SERINC5: variants seen among roughly 807,000 people sequenced by gnomAD.
SERINC5 encodes serine incorporator 5.
SERINC5 carries 41 observed loss-of-function variants against 63.1 expected under a neutral mutation model. The observed-to-expected ratio is 0.65, with a 90% CI of 0.51 to 0.84. SERINC5 has a LOEUF of 0.84. SERINC5 is among the 40% of genes least tolerant of loss of function. The probability of loss-of-function intolerance (pLI) is 0.00; values close to 1 mark genes in which losing one functional copy is unlikely to be tolerated. For synonymous variants in SERINC5, 222 were observed against 215.2 expected, an observed-to-expected ratio of 1.03 and a Z score of -0.28; for missense variants, 523 against 573.0, an observed-to-expected ratio of 0.91 and a Z score of 0.89.
chr5:80,175,081 C>T (rs757967878), intron 4 of SERINC5, 34 bp from the exon 5 acceptor site: 14 of 1,445,154 alleles, frequency 9.7e-6, no homozygotes, highest in East Asian at 2.5e-5. Flanking sequence ...AATGAGGCAA[C>T]CTTTCGTTGT....
At chr5:80,238,117 A>AAG (rs1313510007) in intron 1 of SERINC5, among the ~76,000 whole-genome samples, 10 of 151,112 alleles carry the variant, frequency 6.6e-5, no homozygotes, top group Non-Finnish European at 1.3e-4. Flanking sequence ...AAAAAAAAAA[A>AAG]AAAAAGAAAA....
chr5:80,198,634 G>C, intron 2 of SERINC5: 1 of 985,406 alleles, frequency 1.0e-6, no homozygotes. Flanking sequence ...CAAAGAGGGG[G>C]TAAGGACTCC....
chr5:80,146,200 T>G lies in SERINC5; in HGVS notation c.1128A>C (p.Pro376=). 6.2e-7 allele frequency: 1 copy of G among 1,614,004 alleles called. No homozygotes were observed. Among genetic ancestry groups the G allele is most frequent in the African/African-American group, 1.3e-5 (1 of 75,050 alleles). Residue 376 remains proline, a synonymous_variant, in exon 11 of 12, where the codon CCA becomes CCC. Coordinates refer to ENST00000507668, the MANE Select transcript of SERINC5 (RefSeq NM_001174072.3). ...TEEQQPGKEG[P]RVIYDEKKGT... ...CTTTCTTCTCGTCATAAATGACCCGTGGTCCCTCCTTCCCCGGCTGCTGCT... is the reference window on the plus strand; with the variant it reads ...CTTTCTTCTCGTCATAAATGACCCGGGGTCCCTCCTTCCCCGGCTGCTGCT...
chr5:80,122,565 G>GA (rs1744591160), intron 11 of SERINC5, among the ~76,000 whole-genome samples: 1 of 152,116 alleles, frequency 6.6e-6, no homozygotes, highest in Non-Finnish European at 1.5e-5. Context: ...ACCTCCCTGA[G>GA]AAACACAAAT....
intron 1 of SERINC5, among the ~76,000 whole-genome samples, chr5:80,208,911 T>C (rs1029610789): frequency 6.6e-6 from 1 of 152,214 alleles, no homozygotes; most frequent in Non-Finnish European, 1.5e-5. Context: ...AAAATTCATA[T>C]GTTGAAGTAC....
At chr5:80,152,023 A>T (rs1389875632) in intron 8 of SERINC5, among the ~76,000 whole-genome samples, 1 of 152,234 alleles carries the variant, frequency 6.6e-6, no homozygotes, top group Non-Finnish European at 1.5e-5. Flanking sequence ...CTGAGATCCA[A>T]GTTCACTGTT....
At chr5:80,222,561 A>AGTGTGT (rs752186814) in intron 1 of SERINC5, among the ~76,000 whole-genome samples, 301 of 146,292 alleles carry the variant, frequency 2.1e-3, no homozygotes, top group African/African-American at 4.6e-3. Context: ...TGAGTGTGTG[A>AGTGTGT]GTGTGTGAGT....
At position 80,147,248 on chromosome 5, in the gene SERINC5, C is replaced by T; in HGVS notation, c.1090G>A (p.Glu364Lys). Residue 364 changes from glutamate (E) to lysine (K), a missense_variant, in exon 10 of 12, where the codon GAG becomes AAG. Physicochemically the swap from Glu to Lys is moderately conservative, Grantham distance 56. Coordinates refer to ENST00000507668, the MANE Select transcript of SERINC5 (RefSeq NM_001174072.3). The part of the protein sequence containing the change: ...RCCFCFSPGG[E>K]DTEEQQPGKE... ...AGAATAAAAGCGCTCTGCTTACCCT[C>T]TCCACCAGGACTGAAGCAAAAACAA... 1 of 1,602,464 alleles carries T rather than the reference C, an allele frequency of 6.2e-7. No individual in the cohort carries two copies. Among genetic ancestry groups the T allele is most frequent in the Non-Finnish European group, 8.5e-7 (1 of 1,174,992 alleles).
intron 7 of SERINC5, among the ~76,000 whole-genome samples, chr5:80,162,562 TG>T (rs895399726): frequency 1.3e-5 from 2 of 152,124 alleles, no homozygotes; most frequent in Non-Finnish European, 2.9e-5. Flanking sequence ...TTTGTAGAGA[TG>T]GGATTTCCCT....
chr5:80,135,480 C>T (rs969881173), downstream of SERINC5, among the ~76,000 whole-genome samples: 4 of 152,132 alleles, frequency 2.6e-5, no homozygotes, highest in African/African-American at 9.7e-5. Context: ...AAGTTATCTG[C>T]CTCCCACATT....
chr5:80,167,895 G>A (rs1347316641), intron 6 of SERINC5, among the ~76,000 whole-genome samples: 1 of 152,092 alleles, frequency 6.6e-6, no homozygotes, highest in Non-Finnish European at 1.5e-5. Flanking sequence ...GGTCAAATTT[G>A]TTTCCAAAAT....
chr5:80,122,212 T>TATATATATAA (rs777568982), intron 11 of SERINC5, among the ~76,000 whole-genome samples: 31 of 142,588 alleles, frequency 2.2e-4, no homozygotes, highest in Admixed American at 6.2e-4. Flanking sequence ...TATATATATA[T>TATATATATAA]AATATGAGTT....
chr5:80,254,103 T>C (rs907255428), intron 1 of SERINC5, among the ~76,000 whole-genome samples: 2 of 152,222 alleles, frequency 1.3e-5, no homozygotes, highest in East Asian at 1.9e-4. Flanking sequence ...TTTGTGTTTT[T>C]AGTAGAGATG....
At position 80,197,308 on chromosome 5, in the gene SERINC5, TGAGAGAGAGAGAGAGAGAGAGAGAGA is replaced by T. The variant is rs34195156; in HGVS notation, c.195+5552_195+5577del. 1.3e-3 allele frequency among the ~76,000 whole-genome samples: 175 copies of T among 137,090 alleles called. 1 individual carries two copies. Among genetic ancestry groups the T allele is most frequent in the African/African-American group, 4.4e-3 (161 of 36,662 alleles). The allele number at this position is 137,090 out of a possible 152,430, so 89.9% of individuals were successfully genotyped here. A position where few individuals can be genotyped will look rare whatever the true frequency, so the allele number is the denominator to read the frequency against. ...GAGAGACAGAGCAAGACTCCATCTG[TGAGAGAGAGAGAGAGAGAGAGAGAGA>T]GAGAGAGAGAGAGAGAGAGAGAGAG... On this transcript the variant is annotated intron_variant, in intron 2 of 11. Coordinates refer to ENST00000507668, the MANE Select transcript of SERINC5 (RefSeq NM_001174072.3).
At chr5:80,146,428 G>C (rs1554059907) in intron 10 of SERINC5, among the ~76,000 whole-genome samples, 194 bp from the exon 11 acceptor site, 6 of 152,136 alleles carry the variant, frequency 3.9e-5, no homozygotes, top group Non-Finnish European at 8.8e-5. Flanking sequence ...GTAACAGGAA[G>C]AGTTACCTAA....
Position 80,205,230 on chromosome 5 carries a change from G to T in SERINC5, c.28-2177C>A, listed in dbSNP as rs182488173. Among the ~76,000 whole-genome samples, 5 of 152,324 alleles carry T rather than the reference G, an allele frequency of 3.3e-5. No homozygotes were observed. In the East Asian group the frequency reaches 9.6e-4, roughly 29 times the overall value. The stretch of plus-strand genomic sequence containing the variant: ...ACTGTAAAAACAGCGACTCACTCAG[G>T]TCCTCCTTTCCATTGCACAGAGCTT... On this transcript the variant is annotated intron_variant, in intron 1 of 11. Transcript: ENST00000507668.
At chr5:80,158,648 A>G in intron 8 of SERINC5, 188 bp downstream of exon 8, 1 of 557,776 alleles carries the variant, frequency 1.8e-6, no homozygotes, top group South Asian at 2.7e-5. Context: ...TGCTTTATTT[A>G]CCCCAAATAA....
Position 80,222,869 on chromosome 5 carries a change from G to A in SERINC5, c.28-19816C>T, listed in dbSNP as rs138295207. On this transcript the variant is annotated intron_variant, in intron 1 of 11. Transcript: ENST00000507668. ...GATTACAGGTGTGGGCCACCATACC[G>A]GCCAGTTTTTTAGACAGTCTCACTC... Among the ~76,000 whole-genome samples, 28 of 151,716 alleles carry A rather than the reference G, an allele frequency of 1.8e-4. 1 individual carries two copies. The highest frequency in any genetic ancestry group is 6.3e-4 in the African/African-American group (26 of 41,370).
rs970853092 is a variant in SERINC5 at position 80,158,829 on chromosome 5, G to A, written c.986+7C>T. 3.7e-6 allele frequency: 6 copies of A among 1,612,524 alleles called. No homozygotes were observed. Among genetic ancestry groups the A allele is most frequent in the Admixed American group, 1.7e-5 (1 of 59,942 alleles). ...AAAAGTGACCTTGAGTAACTCCCAA[G>A]ACTTACCATGAATACAAGATACATC... On this transcript the variant is annotated splice_region_variant and intron_variant, in intron 8 of 11. Transcript: ENST00000507668.
Sources: gnomAD v4.1 joint callset for allele counts (sites outside exome capture counted in the v4.1 genomes callset) on GRCh38, gnomAD v4.1.1 for gene constraint, MANE v1.5 for transcripts, NCBI Gene and HGNC (gene_info 2026-07-23, HGNC 2026-07-21) for gene names.